The following HECW2 variants were observed in gnomAD, a reference collection of about 807,000 sequenced individuals.
HECW2 encodes the protein E3 ubiquitin-protein ligase HECW2.
In HECW2, 61 loss-of-function variants were observed where a neutral mutation model predicts 175.2. The ratio of observed to expected loss-of-function variants is 0.35; its 90% confidence interval spans 0.28 to 0.43. HECW2 has a LOEUF of 0.43. Ranked by LOEUF, HECW2 falls within the 20% of genes least tolerant of loss-of-function variation. The pLI is 1.00. For synonymous variants in HECW2, 671 were observed against 731.0 expected (o/e 0.92, Z 1.32); for missense variants, 1,524 against 2,000.5 (o/e 0.76, Z 4.54).
intron 1 of HECW2, among the ~76,000 whole-genome samples, chr2:196,525,668 G>A (rs1688613989): frequency 6.6e-6 from 1 of 150,546 alleles, no homozygotes; most frequent in Admixed American, 6.6e-5. Context: ...TTTAGGGCAG[G>A]CCTGGTGGTG....
intron 2 of HECW2, among the ~76,000 whole-genome samples, chr2:196,429,791 T>A (rs563801622): frequency 2.0e-5 from 3 of 151,850 alleles, no homozygotes; most frequent in Non-Finnish European, 2.9e-5. Flanking sequence ...TCAACCGGAG[T>A]ACTAGAATCT....
intron 1 of HECW2, among the ~76,000 whole-genome samples, chr2:196,593,009 G>A (rs1182197531): frequency 6.6e-6 from 1 of 151,744 alleles, no homozygotes; most frequent in Non-Finnish European, 1.5e-5. Flanking sequence ...GAGACCGCGA[G>A]AAGCGCCCGG....
chr2:196,484,601 GACTTAGATA>G (rs1018819812), intron 1 of HECW2, among the ~76,000 whole-genome samples: 1 of 152,062 alleles, frequency 6.6e-6, no homozygotes, highest in Non-Finnish European at 1.5e-5. Flanking sequence ...CTGCCCTATA[GACTTAGATA>G]ATACCATCCC....
Position 196,199,040 on chromosome 2 carries a change from A to C in HECW2, c.*2237T>G, listed in dbSNP as rs188631833. 51 of 152,482 alleles carry C rather than the reference A, an allele frequency of 3.3e-4. No homozygotes were observed. The highest frequency in any genetic ancestry group is 1.1e-3 in the African/African-American group (46 of 41,584). 9.4% of individuals were successfully genotyped at this position (152,482 alleles called of 1,614,324 possible). ...ATTTTATTTCAAATATCTTTTACCT[A>C]ATAATATGAAATACCATAACTAAAT... On this transcript the variant is annotated 3_prime_UTR_variant, in exon 29 of 29. Transcript: ENST00000644978.
In HECW2 at chr2:196,221,000, A is replaced by C. The variant is rs1687645384; in HGVS notation, c.4147-59T>G. The C allele has an allele frequency of 8.3e-6, 13 of 1,563,530 alleles. No individual in the cohort carries two copies. In the South Asian group the frequency reaches 1.5e-4, roughly 18 times the overall value. Reference sequence around the variant, plus strand: ...GCAATACTCTTAATGTTATAACAACATTACTAGCATTGAGCTGAAATCAGC... The same window carrying C: ...GCAATACTCTTAATGTTATAACAACCTTACTAGCATTGAGCTGAAATCAGC... On this transcript the variant is annotated intron_variant, in intron 24 of 28. Transcript: ENST00000644978.
At chr2:196,502,244 A>G (rs1687599631) in intron 1 of HECW2, among the ~76,000 whole-genome samples, 1 of 152,106 alleles carries the variant, frequency 6.6e-6, no homozygotes, top group South Asian at 2.1e-4. Flanking sequence ...CATTTAACCA[A>G]CTTTGGTGTT....
In HECW2 at chr2:196,329,712, G is replaced by T. The variant is rs370007857; in HGVS notation, c.496-62C>A. 5 of 1,338,668 alleles carry T rather than the reference G, an allele frequency of 3.7e-6. No homozygotes were observed. The African/African-American group carries it at 7.2e-5, about 19-fold the overall frequency. 82.9% of individuals were successfully genotyped at this position (1,338,668 alleles called of 1,614,324 possible). A position where few individuals can be genotyped will look rare whatever the true frequency, so the allele number is the denominator to read the frequency against. ...CATATGATGCCACTGGATCTGACTA[G>T]GAAACCATGTATGTTCCTAAATGCA... is the stretch of plus-strand genomic sequence containing the variant. On this transcript the variant is annotated intron_variant, in intron 4 of 28. Coordinates refer to ENST00000644978, the MANE Select transcript of HECW2 (RefSeq NM_001348768.2).
chr2:196,498,474 G>C (rs1469558140), intron 1 of HECW2, among the ~76,000 whole-genome samples: 1 of 152,142 alleles, frequency 6.6e-6, no homozygotes, highest in African/African-American at 2.4e-5. Flanking sequence ...TTATGACAGT[G>C]AGAGAGACCT....
At chr2:196,425,641 G>A (rs2125254185) in intron 2 of HECW2, among the ~76,000 whole-genome samples, 1 of 152,256 alleles carries the variant, frequency 6.6e-6, no homozygotes, top group African/African-American at 2.4e-5. Context: ...ATTAGAAGTG[G>A]TGCCTGAAGA....
At chr2:196,430,428 GA>G (rs78466113) in intron 2 of HECW2, among the ~76,000 whole-genome samples, 37,644 of 149,402 alleles carry the variant, frequency 0.25, 4,892 homozygotes, top group African/African-American at 0.32. Context: ...CATGGTCAAT[GA>G]AAAAAAAAAT....
At chr2:196,328,300 T>G (rs928344051) in intron 5 of HECW2, among the ~76,000 whole-genome samples, 3 of 152,178 alleles carry the variant, frequency 2.0e-5, no homozygotes, top group African/African-American at 4.8e-5. Flanking sequence ...CAGTGGTTAT[T>G]TTTAGTGCCC....
Position 196,319,818 on chromosome 2 carries a change from G to A in HECW2, c.1072C>T (p.Pro358Ser), listed in dbSNP as rs1194444336. ...ACCTGGCTGTCGTGATGGCTCCCTG[G>A]CATGTCCTCGTCATCGGAAGGGCTA... ...LGSPSDDEDM[P>S]GSHHDSQVCS... Residue 358 changes from proline (P) to serine (S), a missense_variant, in exon 9 of 29, where the codon CCA becomes TCA. Physicochemically the swap from Pro to Ser is moderately conservative, Grantham distance 74 (BLOSUM62 -1). This residue lies in a region of HECW2 where 604 missense variants were observed against 588.3 expected (regional missense o/e 1.03). Coordinates refer to ENST00000644978, the MANE Select transcript of HECW2 (RefSeq NM_001348768.2). 2.5e-6 allele frequency: 4 copies of A among 1,614,046 alleles called. No homozygotes were observed. Among genetic ancestry groups the A allele is most frequent in the African/African-American group, 2.7e-5 (2 of 74,914 alleles).
intron 19 of HECW2, among the ~76,000 whole-genome samples, chr2:196,251,979 AT>A (rs1426393365): frequency 6.6e-6 from 1 of 151,976 alleles, no homozygotes; most frequent in Non-Finnish European, 1.5e-5. Context: ...CAGGCAGATC[AT>A]TTGAAGTTAG....
At chr2:196,441,529 T>C (rs1002197895) in intron 1 of HECW2, among the ~76,000 whole-genome samples, 1 of 152,138 alleles carries the variant, frequency 6.6e-6, no homozygotes, top group African/African-American at 2.4e-5. Flanking sequence ...TAAGTAGAGA[T>C]GTGAGAACTA....
At position 196,199,526 on chromosome 2, in the gene HECW2, A is replaced by G. The variant is rs934527977; in HGVS notation, c.*1751T>C. 1 of 152,642 alleles carries G rather than the reference A, an allele frequency of 6.6e-6. No homozygotes were observed. Among genetic ancestry groups the G allele is most frequent in the East Asian group, 1.9e-4 (1 of 5,202 alleles). The allele number at this position is 152,642 out of a possible 1,614,324, so 9.5% of individuals were successfully genotyped here. A position where few individuals can be genotyped will look rare whatever the true frequency, so the allele number is the denominator to read the frequency against. The stretch of plus-strand genomic sequence containing the variant: ...AGCAATCAGTTCTTACAAAACACCT[A>G]TGAAAACTATGCATATGACCTCTAT... On this transcript the variant is annotated 3_prime_UTR_variant, in exon 29 of 29. Transcript: ENST00000644978.
rs58359611 is a variant in HECW2 at position 196,468,214 on chromosome 2, C to T, written c.-35-34756G>A. 3.0e-3 allele frequency among the ~76,000 whole-genome samples: 457 copies of T among 152,278 alleles called. 2 individuals are homozygous for T. The highest frequency in any genetic ancestry group is 0.011 in the African/African-American group (443 of 41,558). On this transcript the variant is annotated intron_variant, in intron 1 of 28. Coordinates refer to ENST00000644978, the MANE Select transcript of HECW2 (RefSeq NM_001348768.2). Reference sequence around the variant, plus strand: ...TTTGCCATGTTGGCAAGGCTGGTCTCGAACTCCTGACCTCAAGTGATCCGC... The same window carrying T: ...TTTGCCATGTTGGCAAGGCTGGTCTTGAACTCCTGACCTCAAGTGATCCGC...
chr2:196,194,428 T>C lies in HECW2; in HGVS notation c.*6849A>G, dbSNP rs1686623260. The C allele has an allele frequency of 6.6e-6, 1 of 152,052 alleles. No homozygotes were observed. The highest frequency in any genetic ancestry group is 2.4e-5 in the African/African-American group (1 of 41,434). The allele number at this position is 152,052 out of a possible 1,614,324, so 9.4% of individuals were successfully genotyped here. ...GTGATTTCATGATGCAACATGGTTTTAAACAAAAATAGAGATCAGTATGAA... is the reference window on the plus strand; with the variant it reads ...GTGATTTCATGATGCAACATGGTTTCAAACAAAAATAGAGATCAGTATGAA... On this transcript the variant is annotated 3_prime_UTR_variant, in exon 29 of 29. Transcript: ENST00000644978.
chr2:196,300,678 A>C (rs1451435247), intron 13 of HECW2, among the ~76,000 whole-genome samples: 1 of 149,146 alleles, frequency 6.7e-6, no homozygotes, highest in Non-Finnish European at 1.5e-5. Flanking sequence ...CTATACATAT[A>C]TATCTATATC....
rs199543727 is a variant in HECW2, at chr2:196,220,900, T to C, written c.4188A>G (p.Pro1396=). The C allele has an allele frequency of 1.5e-5, 25 of 1,614,130 alleles. No homozygotes were observed. In the East Asian group the frequency reaches 5.3e-4, roughly 35 times the overall value. ...RELKPGGANI[P]VTEKNKKEYI... is the part of the protein sequence containing the mutation. The stretch of plus-strand genomic sequence containing the variant: ...ACTCCTTCTTGTTCTTCTCTGTAAC[T>C]GGGATATTGGCACCCCCTGGCTTTA... Residue 1396 remains proline (P), a synonymous_variant, in exon 25 of 29, where the codon CCA becomes CCG. Coordinates refer to ENST00000644978, the MANE Select transcript of HECW2 (RefSeq NM_001348768.2).
Sources: gnomAD v4.1 joint callset for allele counts (sites outside exome capture counted in the v4.1 genomes callset) on GRCh38, gnomAD v4.1.1 for gene constraint, gnomAD v4.1.1 regional missense constraint, MANE v1.5 for transcripts, NCBI Gene and HGNC (gene_info 2026-07-23, HGNC 2026-07-21) for gene names.